Variants in SSBP4 observed in about 807,000 individuals in gnomAD.
The protein encoded by SSBP4 is single-stranded DNA-binding protein 4.
SSBP4 carries 33 observed loss-of-function variants against 64.6 expected under a neutral mutation model. The observed-to-expected ratio is 0.51, with a 90% CI of 0.39 to 0.68. The LOEUF (loss-of-function observed/expected upper bound fraction) is 0.68. Ranked by LOEUF, SSBP4 falls within the 30% of genes least tolerant of loss-of-function variation. The pLI, the probability that SSBP4 is intolerant of heterozygous loss-of-function variation, is 0.00. For synonymous variants in SSBP4, 243 were observed against 224.0 expected (o/e 1.08, Z -0.76); for missense variants, 583 against 566.8 (o/e 1.03, Z -0.29).
In SSBP4 at chr19:18,433,122, C is replaced by T; in HGVS notation, c.913-13C>T. 1 of 1,611,214 alleles carries T rather than the reference C, an allele frequency of 6.2e-7. No individual in the cohort carries two copies. The highest frequency in any genetic ancestry group is 1.7e-5 in the Admixed American group (1 of 59,666). On this transcript the variant is annotated splice_polypyrimidine_tract_variant and intron_variant, in intron 14 of 17. Coordinates refer to ENST00000270061, the MANE Select transcript of SSBP4 (RefSeq NM_032627.5). ...TGGGTGGCCCGAGTCCCACGCTGTCCCCATGCCCGCAGTTCCCGCTCGGCC... is the reference window on the plus strand; with the variant it reads ...TGGGTGGCCCGAGTCCCACGCTGTCTCCATGCCCGCAGTTCCCGCTCGGCC...
intron 5 of SSBP4, 90 bp from the exon 6 acceptor site, chr19:18,431,263 C>T (rs2144782965): frequency 3.2e-6 from 2 of 615,758 alleles, no homozygotes; most frequent in Admixed American, 6.1e-5. Context: ...CAGGCTGGCC[C>T]ACCCCTCTGC....
At chr19:18,409,525 T>C in the SSBP4 span, among the ~76,000 whole-genome samples, 1 of 152,090 alleles carries the variant, frequency 6.6e-6, no homozygotes, top group Non-Finnish European at 1.5e-5. Flanking sequence ...TTAATAAATT[T>C]GATTTCACTT....
the SSBP4 span, among the ~76,000 whole-genome samples, chr19:18,405,816 CCT>C: frequency 6.6e-6 from 1 of 152,064 alleles, no homozygotes. Context: ...ACAGTGAAAC[CCT>C]GTCTCTACTA....
rs760638355 is a variant in SSBP4 at position 18,434,299 on chromosome 19, C to G, written c.*53C>G. 1.2e-6 allele frequency: 2 copies of G among 1,604,234 alleles called. No individual in the cohort carries two copies. Among genetic ancestry groups the G allele is most frequent in the Non-Finnish European group, 1.7e-6 (2 of 1,176,224 alleles). On this transcript the variant is annotated 3_prime_UTR_variant, in exon 18 of 18. Transcript: ENST00000270061. ...GGGCCTAGGCTTCTGCCCAGCGCCC[C>G]TGCTCAGGGCGAGGGGCTGAGGTCA...
In SSBP4 at chr19:18,431,354, GC is replaced by G. The variant is rs760883618; in HGVS notation, c.378del (p.Gly127AlafsTer13). The G allele has an allele frequency of 2.2e-4, 192 of 865,942 alleles. No individual in the cohort carries two copies. Among genetic ancestry groups the G allele is most frequent in the African/African-American group, 2.9e-4 (17 of 57,704 alleles). 53.6% of individuals were successfully genotyped at this position (865,942 alleles called of 1,614,324 possible). On this transcript the variant is annotated frameshift_variant and splice_region_variant, in exon 6 of 18. Transcript: ENST00000270061. LOFTEE classifies it high-confidence loss of function. ...ACCCACCTGGTTCTGTCCTCCTAGG[GC>G]CCCCCCGGCTCCCAGCCGTCCCCCC... is the stretch of plus-strand genomic sequence containing the variant. ...AGSMAAGFFQ[G>X]PPGSQPSPHN...
the SSBP4 span, among the ~76,000 whole-genome samples, chr19:18,408,925 G>A: frequency 6.6e-6 from 1 of 151,938 alleles, no homozygotes; most frequent in Non-Finnish European, 1.5e-5. Context: ...CGATCCTCCT[G>A]GCTCAGCCTC....
rs746515536 is a variant in SSBP4 at position 18,432,752 on chromosome 19, C to T, written c.786+17C>T. ...AGCTACACCGTAAGTCTGAGCAAAGCTGGGTCACCCCTGGGCAGGGGTTGT... is the reference window on the plus strand; with the variant it reads ...AGCTACACCGTAAGTCTGAGCAAAGTTGGGTCACCCCTGGGCAGGGGTTGT... On this transcript the variant is annotated intron_variant, in intron 12 of 17. Transcript: ENST00000270061. 1 of 1,607,938 alleles carries T rather than the reference C, an allele frequency of 6.2e-7. No homozygotes were observed. Among genetic ancestry groups the T allele is most frequent in the South Asian group, 1.1e-5 (1 of 90,770 alleles).
chr19:18,422,552 C>CA (rs1306823629), intron 1 of SSBP4, among the ~76,000 whole-genome samples: 3 of 152,122 alleles, frequency 2.0e-5, no homozygotes, highest in African/African-American at 7.3e-5. Flanking sequence ...AAAGGGACAC[C>CA]AGGGCCCTGG....
In SSBP4 at chr19:18,431,356, C is replaced by T. The variant is rs1169564592; in HGVS notation, c.373C>T (p.Pro125Ser). ...CCACCTGGTTCTGTCCTCCTAGGGCCCCCCCGGCTCCCAGCCGTCCCCCCA... is the reference window on the plus strand; with the variant it reads ...CCACCTGGTTCTGTCCTCCTAGGGCTCCCCCGGCTCCCAGCCGTCCCCCCA... ...GSMAAGFFQG[P>S]PGSQPSPHNP... The change falls in exon 6 of 18, where the codon CCC becomes TCC. Residue 125 changes from proline to serine, a missense_variant. By Grantham distance (74) the Pro-to-Ser change is moderately conservative. Coordinates refer to ENST00000270061, the MANE Select transcript of SSBP4 (RefSeq NM_032627.5). 2.3e-6 allele frequency: 2 copies of T among 875,972 alleles called. No individual in the cohort carries two copies. The highest frequency in any genetic ancestry group is 3.5e-6 in the Non-Finnish European group (2 of 563,798). 54.3% of individuals were successfully genotyped at this position (875,972 alleles called of 1,614,324 possible).
intron 17 of SSBP4, 89 bp from the exon 18 acceptor site, chr19:18,434,128 C>CCCTGT: frequency 6.3e-7 from 1 of 1,589,802 alleles, no homozygotes; most frequent in East Asian, 2.3e-5. Flanking sequence ...CCCAGCCCTG[C>CCCTGT]CCTGTCCCCC....
rs915429998 is a variant in SSBP4, at chr19:18,422,866, G to C, written c.59+3159G>C. Among the ~76,000 whole-genome samples the C allele has an allele frequency of 7.2e-5, 11 of 152,340 alleles. No homozygotes were observed. The South Asian group carries it at 2.3e-3, about 32-fold the overall frequency. On this transcript the variant is annotated intron_variant, in intron 1 of 17. Transcript: ENST00000270061. ...AGCACTGCACTTTTCTTCCTGCAAT[G>C]AGCCTCATGCCTCCTAAAAATGAGG...
At chr19:18,418,482 C>T (rs1031858080), upstream of SSBP4, among the ~76,000 whole-genome samples, 1 of 152,206 alleles carries the variant, frequency 6.6e-6, no homozygotes, top group African/African-American at 2.4e-5. The surrounding 1 kb of genome is among the most constrained non-coding windows in gnomAD (Gnocchi z 6.7). Context: ...TGCACCCTGA[C>T]TCCCGCAGAC....
the SSBP4 span, among the ~76,000 whole-genome samples, chr19:18,408,046 G>A: frequency 6.6e-6 from 1 of 152,140 alleles, no homozygotes; most frequent in African/African-American, 2.4e-5. Flanking sequence ...CGCCCGCCCT[G>A]CTGGTTCTAG....
intron 4 of SSBP4, 74 bp from the exon 5 acceptor site, chr19:18,430,766 GA>G: frequency 1.7e-6 from 2 of 1,206,884 alleles, no homozygotes; most frequent in Middle Eastern, 1.9e-4. Flanking sequence ...CACCTGCAGA[GA>G]GGGGGGGCAC....
chr19:18,404,314 C>T, the SSBP4 span, among the ~76,000 whole-genome samples: 1 of 152,120 alleles, frequency 6.6e-6, no homozygotes, highest in Admixed American at 6.6e-5. Context: ...GACATCCAGG[C>T]TGGGCATGGT....
chr19:18,429,340 G>A (rs1023098036), intron 4 of SSBP4, among the ~76,000 whole-genome samples: 2 of 152,012 alleles, frequency 1.3e-5, no homozygotes, highest in Non-Finnish European at 1.5e-5. Flanking sequence ...ATGGCAACGC[G>A]GGCCGGGCCG....
At chr19:18,412,861 G>A in the SSBP4 span, among the ~76,000 whole-genome samples, 2 of 152,210 alleles carry the variant, frequency 1.3e-5, no homozygotes, top group East Asian at 1.9e-4. Context: ...CTGGGTGCAC[G>A]GTAGCTGGGG....
rs755995353 is a variant in SSBP4, at chr19:18,427,874, A to G, written c.195-24A>G. The G allele has an allele frequency of 9.3e-6, 15 of 1,613,858 alleles. No homozygotes were observed. The highest frequency in any genetic ancestry group is 1.2e-5 in the Non-Finnish European group (14 of 1,179,922). On this transcript the variant is annotated intron_variant, in intron 3 of 17. Transcript: ENST00000270061. This position sits in a 1 kb window ranked among gnomAD's most constrained non-coding sequence, Gnocchi z 4.4. ...GGGGTTGAGGGAGGCACGTGGAGCA[A>G]CCATCTTCCCCTTTGGCCCACAGCG... is the stretch of plus-strand genomic sequence containing the variant.
intron 5 of SSBP4, 49 bp downstream of exon 5, chr19:18,430,979 C>G: frequency 6.3e-7 from 1 of 1,587,674 alleles, no homozygotes; most frequent in Non-Finnish European, 8.6e-7. Context: ...GCTGAACATG[C>G]GTTTGAGGGT....
Sources: allele counts gnomAD v4.1 joint callset (sites outside exome capture counted in the v4.1 genomes callset), GRCh38; gene constraint gnomAD v4.1.1; non-coding constraint Gnocchi (gnomAD v3.1); transcripts MANE v1.5; gene names NCBI Gene and HGNC (gene_info 2026-07-23, HGNC 2026-07-21).